Variants in NRXN3 observed in about 807,000 individuals in gnomAD.
NRXN3 encodes the protein neurexin 3.
Under a neutral mutation model 137.6 loss-of-function variants are expected in NRXN3, and 32 were observed. The observed-to-expected ratio is 0.23, with a 90% CI of 0.18 to 0.31. NRXN3 has a LOEUF of 0.31. NRXN3 is among the 10% of genes least tolerant of loss of function. The pLI is 1.00. For missense variants in NRXN3, 1,574 were observed against 2,062.5 expected (o/e 0.76, Z 4.59); for synonymous variants, 798 against 784.5 (o/e 1.02, Z -0.29).
At chr14:78,475,146 A>G (rs1210458395) in intron 4 of NRXN3, among the ~76,000 whole-genome samples, 14 of 152,238 alleles carry the variant, frequency 9.2e-5, no homozygotes, top group Non-Finnish European at 2.1e-4. Flanking sequence ...GACAGTTGCT[A>G]GGTGAACTGA....
At chr14:79,831,592 T>A (rs1341689482) in intron 20 of NRXN3, among the ~76,000 whole-genome samples, 2 of 152,184 alleles carry the variant, frequency 1.3e-5, no homozygotes, top group African/African-American at 4.8e-5. Flanking sequence ...TCACTTAGTA[T>A]GCCTGGAGAA....
intron 19 of NRXN3, among the ~76,000 whole-genome samples, chr14:79,701,374 A>G (rs1191983294): frequency 6.6e-6 from 1 of 152,092 alleles, no homozygotes; most frequent in Non-Finnish European, 1.5e-5. Context: ...CAGCAAGGCA[A>G]TTCTTCTGTG....
chr14:78,265,268 T>G (rs1307089332), intron 2 of NRXN3, among the ~76,000 whole-genome samples: 3 of 152,164 alleles, frequency 2.0e-5, no homozygotes, highest in Non-Finnish European at 4.4e-5. Flanking sequence ...TAGAGAGGAA[T>G]GAACTAGGGG....
intron 4 of NRXN3, among the ~76,000 whole-genome samples, chr14:78,372,194 A>AT (rs2086964864): frequency 6.6e-6 from 1 of 150,478 alleles, no homozygotes; most frequent in Admixed American, 6.6e-5. Flanking sequence ...AGAACTATGT[A>AT]TTTTTTCCTG....
intron 15 of NRXN3, among the ~76,000 whole-genome samples, chr14:79,383,699 C>T (rs554125921): frequency 1.3e-5 from 2 of 152,238 alleles, no homozygotes; most frequent in African/African-American, 4.8e-5. Flanking sequence ...ACTGTTCACC[C>T]CTTAGCTACT....
chr14:79,309,013 G>T (rs2086694335), intron 15 of NRXN3, among the ~76,000 whole-genome samples: 1 of 119,414 alleles, frequency 8.4e-6, no homozygotes, highest in South Asian at 2.9e-4. Flanking sequence ...CATGTGCCAT[G>T]CTGGTGCGCT....
At chr14:79,616,677 A>T (rs1567675234) in intron 16 of NRXN3, among the ~76,000 whole-genome samples, 1 of 152,182 alleles carries the variant, frequency 6.6e-6, no homozygotes, top group South Asian at 2.1e-4. Context: ...GTTTAAAAAA[A>T]TAGAATGAGT....
At chr14:79,104,946 A>C (rs978653530) in intron 15 of NRXN3, among the ~76,000 whole-genome samples, 1 of 151,778 alleles carries the variant, frequency 6.6e-6, no homozygotes, top group Non-Finnish European at 1.5e-5. Context: ...ACACTCATTC[A>C]TTGTATGGAA....
intron 15 of NRXN3, among the ~76,000 whole-genome samples, chr14:79,111,472 C>G (rs1188214935): frequency 6.6e-6 from 1 of 152,158 alleles, no homozygotes; most frequent in Non-Finnish European, 1.5e-5. Flanking sequence ...GGCACAGTGG[C>G]TCATGCCTGT....
intron 10 of NRXN3, among the ~76,000 whole-genome samples, chr14:78,813,852 C>G (rs572378247): frequency 1.3e-5 from 2 of 152,170 alleles, no homozygotes; most frequent in African/African-American, 4.8e-5. Context: ...TTTCTTCTAG[C>G]CTTCTTCCTT....
At chr14:78,782,902 G>A (rs1266240626) in intron 8 of NRXN3, among the ~76,000 whole-genome samples, 1 of 152,080 alleles carries the variant, frequency 6.6e-6, no homozygotes, top group Non-Finnish European at 1.5e-5. Flanking sequence ...GGCAAGGAGA[G>A]GTAAACATGA....
At chr14:78,902,066 T>C (rs539182353) in intron 10 of NRXN3, among the ~76,000 whole-genome samples, 2 of 151,932 alleles carry the variant, frequency 1.3e-5, no homozygotes, top group African/African-American at 4.8e-5. Context: ...TGTAGTGTGG[T>C]AAATAGACTT....
intron 16 of NRXN3, among the ~76,000 whole-genome samples, chr14:79,569,093 G>A (rs550723434): frequency 3.3e-5 from 5 of 151,546 alleles, no homozygotes; most frequent in African/African-American, 4.8e-5. Context: ...TTTGAAGTCA[G>A]AATAACAACA....
At chr14:79,783,304 G>T (rs1178935775) in intron 19 of NRXN3, among the ~76,000 whole-genome samples, 3 of 152,164 alleles carry the variant, frequency 2.0e-5, no homozygotes, top group African/African-American at 7.2e-5. Flanking sequence ...TCATTAACTA[G>T]GAGGAAATGT....
chr14:78,775,404 A>G (rs1337820702), intron 8 of NRXN3, among the ~76,000 whole-genome samples: 1 of 152,256 alleles, frequency 6.6e-6, no homozygotes, highest in African/African-American at 2.4e-5. Flanking sequence ...CATGTGGCCC[A>G]GGATGGCTTT....
At chr14:79,729,721 G>A (rs959118834) in intron 19 of NRXN3, among the ~76,000 whole-genome samples, 4 of 152,152 alleles carry the variant, frequency 2.6e-5, no homozygotes, top group African/African-American at 9.7e-5. Flanking sequence ...GCTTCTCCCA[G>A]GCAGTAGGCA....
chr14:79,381,735 C>T (rs556298237), intron 15 of NRXN3, among the ~76,000 whole-genome samples: 1 of 152,282 alleles, frequency 6.6e-6, no homozygotes, highest in East Asian at 1.9e-4. Flanking sequence ...ACATAACCTT[C>T]CAGAGTGTTC....
chr14:78,942,213 C>T (rs776245604), intron 10 of NRXN3, among the ~76,000 whole-genome samples: 70 of 152,152 alleles, frequency 4.6e-4, no homozygotes, highest in Non-Finnish European at 8.2e-4. Context: ...TCAAACCTGC[C>T]AAGTACTTCA....
At chr14:78,999,713 A>G (rs548999316) in intron 15 of NRXN3, among the ~76,000 whole-genome samples, 5 of 152,246 alleles carry the variant, frequency 3.3e-5, no homozygotes, top group African/African-American at 1.2e-4. Context: ...ATTCATACAT[A>G]CATCTATATA....
Sources: gnomAD v4.1 joint callset for allele counts (sites outside exome capture counted in the v4.1 genomes callset) on GRCh38, gnomAD v4.1.1 for gene constraint, MANE v1.5 for transcripts, NCBI Gene and HGNC (gene_info 2026-07-23, HGNC 2026-07-21) for gene names.